Variants in SLC7A11 observed in about 807,000 individuals in gnomAD.
The protein encoded by SLC7A11 is solute carrier family 7 member 11.
Under a neutral mutation model 54.5 loss-of-function variants are expected in SLC7A11, and 35 were observed. The ratio of observed to expected loss-of-function variants is 0.64; its 90% CI spans 0.49 to 0.85. The LOEUF is 0.85. Among genes scored for constraint, SLC7A11 ranks in the 40% least tolerant of loss-of-function variants. SLC7A11 has a pLI of 0.00. For missense variants in SLC7A11, 583 were observed against 618.1 expected, an observed-to-expected ratio of 0.94 and a Z score of 0.60; for synonymous variants, 230 against 225.2, an observed-to-expected ratio of 1.02 and a Z score of -0.19.
intron 3 of SLC7A11, among the ~76,000 whole-genome samples, chr4:138,226,858 T>C (rs1029451346): frequency 1.3e-5 from 2 of 152,212 alleles, no homozygotes; most frequent in Non-Finnish European, 2.9e-5. Flanking sequence ...GAAATAATTA[T>C]ATCAGTCTGG....
Position 138,171,847 on chromosome 4 carries a change from TTTTG to T in SLC7A11, c.*105_*108del, listed in dbSNP as rs1424826518. The T allele has an allele frequency of 1.7e-4, 240 of 1,396,730 alleles. 1 individual carries two copies. The highest frequency in any genetic ancestry group is 1.5e-3 in the South Asian group (103 of 71,030). The allele number at this position is 1,396,730 out of a possible 1,614,324, so 86.5% of individuals were successfully genotyped here. A position where few individuals can be genotyped will look rare whatever the true frequency, so the allele number is the denominator to read the frequency against. ...TATATGAATAAAAATAACTGACTCCTTTTGTTTATCACCAAAGTTGTAATTCTCT... is the reference window on the plus strand; with the variant it reads ...TATATGAATAAAAATAACTGACTCCTTTTATCACCAAAGTTGTAATTCTCT... On this transcript the variant is annotated 3_prime_UTR_variant, in exon 12 of 12. Coordinates refer to ENST00000280612, the MANE Select transcript of SLC7A11 (RefSeq NM_014331.4).
chr4:138,215,129 G>A (rs754722046), intron 5 of SLC7A11, among the ~76,000 whole-genome samples: 6 of 152,102 alleles, frequency 3.9e-5, no homozygotes, highest in South Asian at 2.1e-4. Context: ...ATGAGCACCC[G>A]TACACTGCAG....
At chr4:138,211,815 C>G (rs567168864) in intron 6 of SLC7A11, among the ~76,000 whole-genome samples, 6 of 151,714 alleles carry the variant, frequency 4.0e-5, no homozygotes, top group Admixed American at 3.3e-4. Context: ...TTTTCACTCA[C>G]GTGTGAGCTA....
intron 4 of SLC7A11, among the ~76,000 whole-genome samples, chr4:138,222,851 G>T (rs1737847879): frequency 6.9e-6 from 1 of 144,070 alleles, no homozygotes; most frequent in Non-Finnish European, 1.5e-5. Context: ...TACTATTATT[G>T]GACAATTTTA....
intron 6 of SLC7A11, among the ~76,000 whole-genome samples, chr4:138,213,784 C>G (rs1424788500): frequency 6.6e-6 from 1 of 152,088 alleles, no homozygotes; most frequent in African/African-American, 2.4e-5. Context: ...CAAGACAAGT[C>G]TTATGCATCA....
In SLC7A11 at chr4:138,179,383, G is replaced by GAAC. The variant is rs774712813; in HGVS notation, c.1275_1277dup (p.Leu425dup). On this transcript the variant is annotated inframe_insertion, in exon 11 of 12. Coordinates refer to ENST00000280612, the MANE Select transcript of SLC7A11 (RefSeq NM_014331.4). ...ATGTGAAGGAAAACAAAGCTGGGAT[G>GAAC]AACAGTGGCACCTGGAACACAGAAC... is the stretch of plus-strand genomic sequence containing the variant. The GAAC allele has an allele frequency of 6.8e-6, 11 of 1,611,758 alleles. No individual in the cohort carries two copies. The African/African-American group carries it at 1.1e-4, about 16-fold the overall frequency.
chr4:138,173,320 T>C (rs1736483811), intron 11 of SLC7A11, among the ~76,000 whole-genome samples: 1 of 152,150 alleles, frequency 6.6e-6, no homozygotes, highest in South Asian at 2.1e-4. Flanking sequence ...TTTCAAGCCA[T>C]ATTTAATGAC....
rs1393375904 is a variant in SLC7A11, at chr4:138,183,315, G to C, written c.916-10C>G. 6.3e-7 allele frequency: 1 copy of C among 1,587,704 alleles called. No homozygotes were observed. Among genetic ancestry groups the C allele is most frequent in the East Asian group, 2.3e-5 (1 of 44,126 alleles). Reference sequence around the variant, plus strand: ...GCCGCTCAGAAAAGGTCTAGTGAAAGAAAGAACGAAGCAAATTAATGCCTT... The same window carrying C: ...GCCGCTCAGAAAAGGTCTAGTGAAACAAAGAACGAAGCAAATTAATGCCTT... On this transcript the variant is annotated splice_polypyrimidine_tract_variant and intron_variant, in intron 7 of 11. Coordinates refer to ENST00000280612, the MANE Select transcript of SLC7A11 (RefSeq NM_014331.4).
chr4:138,234,118 G>A (rs1738148813), intron 2 of SLC7A11, among the ~76,000 whole-genome samples: 1 of 152,112 alleles, frequency 6.6e-6, no homozygotes, highest in Non-Finnish European at 1.5e-5. Context: ...TGAGCTCTAA[G>A]GGTACAAAAT....
At chr4:138,215,759 A>G (rs1737664996) in intron 5 of SLC7A11, among the ~76,000 whole-genome samples, 1 of 151,864 alleles carries the variant, frequency 6.6e-6, no homozygotes, top group African/African-American at 2.4e-5. Flanking sequence ...GAAAAAAGAA[A>G]AAAAAACACA....
intron 6 of SLC7A11, among the ~76,000 whole-genome samples, chr4:138,190,086 C>T (rs111654788): frequency 3.2e-4 from 48 of 152,232 alleles, no homozygotes; most frequent in African/African-American, 1.1e-3. Context: ...TCATGGATCC[C>T]GGGGCATCTA....
At chr4:138,190,720 G>T (rs1736990161) in intron 6 of SLC7A11, among the ~76,000 whole-genome samples, 1 of 152,082 alleles carries the variant, frequency 6.6e-6, no homozygotes, top group African/African-American at 2.4e-5. Flanking sequence ...CATACATTTT[G>T]ACATACTTTC....
At chr4:138,213,718 A>G (rs1670996228) in intron 6 of SLC7A11, among the ~76,000 whole-genome samples, 1 of 152,006 alleles carries the variant, frequency 6.6e-6, no homozygotes, top group South Asian at 2.1e-4. Context: ...TACCAATCAC[A>G]CTGTTACATC....
At chr4:138,218,902 G>C (rs1318294522) in intron 5 of SLC7A11, among the ~76,000 whole-genome samples, 1 of 152,158 alleles carries the variant, frequency 6.6e-6, no homozygotes, top group Non-Finnish European at 1.5e-5. Context: ...TGGAGCTTTA[G>C]CTGAAAGGCC....
intron 6 of SLC7A11, among the ~76,000 whole-genome samples, chr4:138,199,805 C>T (rs1342147383): frequency 1.3e-5 from 2 of 152,102 alleles, no homozygotes; most frequent in Admixed American, 6.6e-5. Flanking sequence ...TCAGAGTCCA[C>T]GTTGTGACTT....
chr4:138,192,702 C>T (rs914122469), intron 6 of SLC7A11, among the ~76,000 whole-genome samples: 2 of 151,846 alleles, frequency 1.3e-5, no homozygotes, highest in African/African-American at 4.8e-5. Context: ...AAAATGATGT[C>T]CTAAATTACA....
intron 6 of SLC7A11, among the ~76,000 whole-genome samples, chr4:138,205,962 A>T (rs1252089506): frequency 1.3e-5 from 2 of 152,002 alleles, no homozygotes; most frequent in African/African-American, 2.4e-5. Flanking sequence ...GCTAACCAAA[A>T]ATTTATCTAG....
At chr4:138,178,145 T>C (rs952650310) in intron 11 of SLC7A11, 6 of 152,078 alleles carry the variant, frequency 3.9e-5, no homozygotes, top group Non-Finnish European at 5.9e-5. Flanking sequence ...AGTAGGATAT[T>C]ATATGAATTA....
chr4:138,224,386 G>T (rs1737888976), intron 3 of SLC7A11, among the ~76,000 whole-genome samples: 1 of 151,958 alleles, frequency 6.6e-6, no homozygotes, highest in South Asian at 2.1e-4. Flanking sequence ...ATTTATAAAG[G>T]TATATTCTCC....
Sources: allele counts gnomAD v4.1 joint callset (sites outside exome capture counted in the v4.1 genomes callset), GRCh38; gene constraint gnomAD v4.1.1; transcripts MANE v1.5; gene names NCBI Gene and HGNC (gene_info 2026-07-23, HGNC 2026-07-21).